Variants in GPR176 observed in about 807,000 individuals in gnomAD.
GPR176 encodes G-protein coupled receptor 176.
A neutral mutation model predicts 35.4 loss-of-function variants in GPR176; 26 were observed. That is an observed-to-expected ratio of 0.74 (90% CI 0.54 to 1.02). The LOEUF (loss-of-function observed/expected upper bound fraction) is 1.02, where lower values mean the gene tolerates loss of function less well. GPR176 is among the 50% of genes least tolerant of loss of function. The probability of loss-of-function intolerance (pLI) is 0.00; values close to 1 mark genes in which losing one functional copy is unlikely to be tolerated. For missense variants in GPR176, 597 were observed against 665.3 expected (o/e 0.90, Z 1.13); for synonymous variants, 278 against 271.3 (o/e 1.02, Z -0.24).
At position 39,817,964 on chromosome 15, in the gene GPR176, T is replaced by C. The variant is rs560997430; in HGVS notation, c.173-10706A>G. On this transcript the variant is annotated intron_variant, in intron 1 of 2. Transcript: ENST00000561100. ...TTTAACAATATTGTTCTTTAATCTATGCAGATACATTTTCCAAGTGACCAG... is the reference window on the plus strand; with the variant it reads ...TTTAACAATATTGTTCTTTAATCTACGCAGATACATTTTCCAAGTGACCAG... 1.3e-4 allele frequency among the ~76,000 whole-genome samples: 20 copies of C among 152,368 alleles called. No individual in the cohort carries two copies. The South Asian group carries it at 4.1e-3, about 32-fold the overall frequency.
At chr15:39,843,327 T>C (rs759551459) in intron 1 of GPR176, among the ~76,000 whole-genome samples, 3 of 152,144 alleles carry the variant, frequency 2.0e-5, no homozygotes, top group Non-Finnish European at 4.4e-5. Flanking sequence ...CTCAATCATA[T>C]GTATTTCAAA....
chr15:39,901,180 C>T (rs2033266274), intron 1 of GPR176, among the ~76,000 whole-genome samples: 1 of 149,794 alleles, frequency 6.7e-6, no homozygotes, highest in Admixed American at 6.7e-5. Context: ...ATATTAATAC[C>T]CAACACTACC....
chr15:39,862,737 G>C (rs275746), intron 1 of GPR176, among the ~76,000 whole-genome samples: 24,333 of 152,084 alleles, frequency 0.16, 2,851 homozygotes, highest in East Asian at 0.36. Context: ...AAGTATAACA[G>C]GTACAATTAT....
intron 1 of GPR176, among the ~76,000 whole-genome samples, chr15:39,875,694 C>G (rs1481441252): frequency 6.6e-6 from 1 of 152,088 alleles, no homozygotes; most frequent in Non-Finnish European, 1.5e-5. Context: ...TAGTGCCGAG[C>G]CTCCTTACCT....
intron 1 of GPR176, among the ~76,000 whole-genome samples, chr15:39,873,263 G>A (rs1313803370): frequency 6.6e-6 from 1 of 151,902 alleles, no homozygotes; most frequent in East Asian, 1.9e-4. Context: ...AAAGCTAGTG[G>A]GTGGAAGGAA....
intron 1 of GPR176, among the ~76,000 whole-genome samples, chr15:39,824,658 T>C (rs1211121273): frequency 1.3e-5 from 2 of 152,334 alleles, no homozygotes; most frequent in East Asian, 3.9e-4. Flanking sequence ...CCATGAACAC[T>C]AAATATGTAT....
At chr15:39,841,899 A>G (rs1249961447) in intron 1 of GPR176, among the ~76,000 whole-genome samples, 1 of 152,176 alleles carries the variant, frequency 6.6e-6, no homozygotes, top group Non-Finnish European at 1.5e-5. Context: ...GTCAGTAGTT[A>G]TAATCCTACA....
chr15:39,867,596 T>C (rs996007204), intron 1 of GPR176, among the ~76,000 whole-genome samples: 1 of 151,918 alleles, frequency 6.6e-6, no homozygotes, highest in African/African-American at 2.4e-5. Context: ...CTGAGTGAAA[T>C]CAGCAGATGC....
Position 39,830,088 on chromosome 15 carries a change from T to C in GPR176, c.173-22830A>G, listed in dbSNP as rs570454689. The stretch of plus-strand genomic sequence containing the variant: ...GTATTCTGCATCATAAGACAACTAG[T>C]ATGAAGAAAATCCTAAGGTAGTGCT... On this transcript the variant is annotated intron_variant, in intron 1 of 2. Coordinates refer to ENST00000561100, the MANE Select transcript of GPR176 (RefSeq NM_007223.3). Among the ~76,000 whole-genome samples, 5 of 152,194 alleles carry C rather than the reference T, an allele frequency of 3.3e-5. No individual in the cohort carries two copies. In the South Asian group the frequency reaches 1.0e-3, roughly 32 times the overall value.
In GPR176 at chr15:39,818,075, T is replaced by C. The variant is rs79620543; in HGVS notation, c.173-10817A>G. On this transcript the variant is annotated intron_variant, in intron 1 of 2. Coordinates refer to ENST00000561100, the MANE Select transcript of GPR176 (RefSeq NM_007223.3). ...TCAGAAGAATTATGGCCAAAGAATG[T>C]AGGGGAAAACCAGCTTGCAGCCATA... 2.6e-4 allele frequency among the ~76,000 whole-genome samples: 40 copies of C among 152,296 alleles called. No homozygotes were observed. In the East Asian group the frequency reaches 7.5e-3, roughly 29 times the overall value.
At chr15:39,833,459 A>G (rs975743542) in intron 1 of GPR176, among the ~76,000 whole-genome samples, 2 of 152,174 alleles carry the variant, frequency 1.3e-5, no homozygotes, top group Admixed American at 1.3e-4. Flanking sequence ...AATCCTTAGA[A>G]ACAGAGAGTA....
At chr15:39,809,502 C>T (rs1373876281) in intron 1 of GPR176, among the ~76,000 whole-genome samples, 2 of 152,132 alleles carry the variant, frequency 1.3e-5, no homozygotes, top group Non-Finnish European at 2.9e-5. Context: ...ACAAGGCATA[C>T]CAAGTAAGGA....
At chr15:39,888,556 A>G (rs1203718288) in intron 1 of GPR176, among the ~76,000 whole-genome samples, 1 of 152,210 alleles carries the variant, frequency 6.6e-6, no homozygotes, top group Admixed American at 6.5e-5. Context: ...GGACTTCCAA[A>G]GTGCTGGGAT....
chr15:39,881,824 C>A (rs1051433159), intron 1 of GPR176, among the ~76,000 whole-genome samples: 1 of 152,158 alleles, frequency 6.6e-6, no homozygotes, highest in African/African-American at 2.4e-5. Flanking sequence ...GAATCTCACT[C>A]TAGTACAAGT....
intron 1 of GPR176, among the ~76,000 whole-genome samples, chr15:39,857,983 A>AAG (rs2031346403): frequency 6.6e-6 from 1 of 151,452 alleles, no homozygotes; most frequent in African/African-American, 2.4e-5. Context: ...AAAAAAAAAA[A>AAG]AAAGAAAGAA....
At chr15:39,834,971 CTCTT>C (rs1290885776) in intron 1 of GPR176, among the ~76,000 whole-genome samples, 1 of 152,066 alleles carries the variant, frequency 6.6e-6, no homozygotes, top group African/African-American at 2.4e-5. Flanking sequence ...TAATGTATAC[CTCTT>C]ACCCTAATGT....
chr15:39,865,245 T>C (rs1009234698), intron 1 of GPR176, among the ~76,000 whole-genome samples: 2 of 152,226 alleles, frequency 1.3e-5, no homozygotes, highest in East Asian at 3.9e-4. Flanking sequence ...AAGATGCCTG[T>C]ACCCATAAGT....
At chr15:39,842,451 C>T (rs1839840540) in intron 1 of GPR176, among the ~76,000 whole-genome samples, 1 of 152,090 alleles carries the variant, frequency 6.6e-6, no homozygotes, top group Non-Finnish European at 1.5e-5. Flanking sequence ...ATTATAATTC[C>T]ACATGAGATT....
chr15:39,872,729 A>C (rs1326816692), intron 1 of GPR176, among the ~76,000 whole-genome samples: 1 of 152,068 alleles, frequency 6.6e-6, no homozygotes, highest in Non-Finnish European at 1.5e-5. Context: ...GTTGGTGGGG[A>C]GGTGCCACAC....
Sources: gnomAD v4.1 joint callset for allele counts (sites outside exome capture counted in the v4.1 genomes callset) on GRCh38, gnomAD v4.1.1 for gene constraint, MANE v1.5 for transcripts, NCBI Gene and HGNC (gene_info 2026-07-23, HGNC 2026-07-21) for gene names.